TLE4: variants seen among roughly 807,000 people sequenced by gnomAD.
The protein encoded by TLE4 is TLE family member 4, transcriptional corepressor.
Under a neutral mutation model 92.8 loss-of-function variants are expected in TLE4, and 8 were observed. The observed-to-expected ratio is 0.09, with a 90% CI of 0.05 to 0.16. The LOEUF (loss-of-function observed/expected upper bound fraction) is 0.16, where lower values mean the gene tolerates loss of function less well. Among genes scored for constraint, TLE4 ranks in the 10% least tolerant of loss-of-function variants. The pLI, the probability that TLE4 is intolerant of heterozygous loss-of-function variation, is 1.00. For missense variants in TLE4, 675 were observed against 997.6 expected (o/e 0.68, Z 4.36); for synonymous variants, 371 against 374.1 (o/e 0.99, Z 0.10).
At chr9:79,623,624 C>T (rs1028363386) in intron 5 of TLE4, among the ~76,000 whole-genome samples, 1 of 151,076 alleles carries the variant, frequency 6.6e-6, no homozygotes, top group Non-Finnish European at 1.5e-5. Context: ...CCATAAAATT[C>T]CCTAGTTTTA....
chr9:79,673,663 T>G (rs780498318), intron 8 of TLE4, among the ~76,000 whole-genome samples: 54 of 152,210 alleles, frequency 3.5e-4, no homozygotes, highest in Middle Eastern at 6.3e-3. Flanking sequence ...TTTCTTATAC[T>G]TTTATACCTA....
At chr9:79,686,731 C>A (rs2065938611) in intron 8 of TLE4, among the ~76,000 whole-genome samples, 1 of 152,170 alleles carries the variant, frequency 6.6e-6, no homozygotes, top group Non-Finnish European at 1.5e-5. Flanking sequence ...CCTGCCAATG[C>A]CTTGTTTTCA....
rs556720789 is a variant in TLE4 at position 79,619,325 on chromosome 9, G to A, written c.315+6607G>A. ...TATATCTCAGATGCTGTTTACTTGG[G>A]CATCTCGGTTAATATGGTACTGAAT... is the stretch of plus-strand genomic sequence containing the variant. On this transcript the variant is annotated intron_variant, in intron 5 of 19. Coordinates refer to ENST00000376552, the MANE Select transcript of TLE4 (RefSeq NM_007005.6). 3.3e-5 allele frequency among the ~76,000 whole-genome samples: 5 copies of A among 152,178 alleles called. No individual in the cohort carries two copies. In the South Asian group the frequency reaches 1.0e-3, roughly 32 times the overall value.
At chr9:79,652,966 T>TA in intron 7 of TLE4, 172 bp downstream of exon 7, 1 of 810,146 alleles carries the variant, frequency 1.2e-6, no homozygotes, top group African/African-American at 1.7e-5. Context: ...AATGATATTC[T>TA]AGTGGTTGGC....
chr9:79,682,945 A>G (rs2065036762), intron 8 of TLE4, among the ~76,000 whole-genome samples: 1 of 152,236 alleles, frequency 6.6e-6, no homozygotes, highest in Non-Finnish European at 1.5e-5. Context: ...CTGCTCTTAC[A>G]TAGACAAAGG....
At chr9:79,577,051 G>T (rs1360273072) in intron 4 of TLE4, among the ~76,000 whole-genome samples, 1 of 152,026 alleles carries the variant, frequency 6.6e-6, no homozygotes, top group African/African-American at 2.4e-5. Context: ...TGATCTCCTA[G>T]TGGAAGCACT....
intron 4 of TLE4, among the ~76,000 whole-genome samples, chr9:79,590,169 C>A (rs976370618): frequency 2.6e-5 from 4 of 152,060 alleles, no homozygotes; most frequent in Admixed American, 6.5e-5. Flanking sequence ...GTTAACCCCC[C>A]CAAAATATAG....
chr9:79,639,858 C>T (rs2056780090), intron 6 of TLE4, among the ~76,000 whole-genome samples: 1 of 151,960 alleles, frequency 6.6e-6, no homozygotes, highest in African/African-American at 2.4e-5. Flanking sequence ...TCAGAATATC[C>T]CTATAGTTAA....
At chr9:79,587,037 C>T (rs1433941707) in intron 4 of TLE4, among the ~76,000 whole-genome samples, 1 of 152,148 alleles carries the variant, frequency 6.6e-6, no homozygotes, top group African/African-American at 2.4e-5. Flanking sequence ...CTCTGTTATG[C>T]TATCAAACAC....
chr9:79,670,787 A>G (rs2062176178), intron 8 of TLE4, among the ~76,000 whole-genome samples: 1 of 151,988 alleles, frequency 6.6e-6, no homozygotes, highest in African/African-American at 2.4e-5. Context: ...GCTATTTACC[A>G]TCCTTGTGAT....
intron 4 of TLE4, among the ~76,000 whole-genome samples, chr9:79,606,014 C>G (rs1249344916): frequency 6.6e-6 from 1 of 151,872 alleles, no homozygotes. Flanking sequence ...AAATTAACTA[C>G]TCTGTTATAG....
At chr9:79,620,543 T>C (rs989509471) in intron 5 of TLE4, among the ~76,000 whole-genome samples, 6 of 152,228 alleles carry the variant, frequency 3.9e-5, no homozygotes, top group Admixed American at 6.5e-5. Context: ...TAAAATTGTT[T>C]GGGAAGCCAG....
At chr9:79,663,259 T>C (rs1480236214) in intron 8 of TLE4, among the ~76,000 whole-genome samples, 3 of 152,206 alleles carry the variant, frequency 2.0e-5, no homozygotes, top group Non-Finnish European at 4.4e-5. Context: ...TTAGGAACTT[T>C]TAAAAACATA....
rs1418632021 is a variant in TLE4, at chr9:79,651,761, T to C, written c.391-832T>C. On this transcript the variant is annotated intron_variant, in intron 6 of 19. Transcript: ENST00000376552. ...AAACGGTGGCTGCAACCAGTTTCCT[T>C]TTCTGGGTTGTTAATTCAGGTTTTC... Among the ~76,000 whole-genome samples, 6 of 152,152 alleles carry C rather than the reference T, an allele frequency of 3.9e-5. No homozygotes were observed. The East Asian group carries it at 1.2e-3, about 29-fold the overall frequency.
At chr9:79,592,502 C>G (rs1170478736) in intron 4 of TLE4, among the ~76,000 whole-genome samples, 1 of 152,056 alleles carries the variant, frequency 6.6e-6, no homozygotes, top group African/African-American at 2.4e-5. Flanking sequence ...TCTCAAACTT[C>G]TGAGCTCAAG....
intron 4 of TLE4, among the ~76,000 whole-genome samples, chr9:79,588,745 A>G (rs890558105): frequency 1.3e-5 from 2 of 152,208 alleles, no homozygotes; most frequent in African/African-American, 4.8e-5. Context: ...AGGGAACTGT[A>G]AACTTTTGAG....
intron 8 of TLE4, among the ~76,000 whole-genome samples, chr9:79,701,206 G>A (rs2069762829): frequency 6.6e-6 from 1 of 152,092 alleles, no homozygotes; most frequent in Non-Finnish European, 1.5e-5. Flanking sequence ...TTAGAACATT[G>A]CTGATTGCCC....
At chr9:79,633,155 G>A (rs4131220) in intron 6 of TLE4, among the ~76,000 whole-genome samples, 4,030 of 152,252 alleles carry the variant, frequency 0.026, 86 homozygotes, top group African/African-American at 0.054. Flanking sequence ...CTAAGAGGCA[G>A]TAATTTCCCT....
At chr9:79,600,761 A>T (rs143261931) in intron 4 of TLE4, among the ~76,000 whole-genome samples, 1 of 152,252 alleles carries the variant, frequency 6.6e-6, no homozygotes, top group Non-Finnish European at 1.5e-5. Context: ...CCTGGCTCTA[A>T]CTGTGTTGTT....
Sources: gnomAD v4.1 joint callset for allele counts (sites outside exome capture counted in the v4.1 genomes callset) on GRCh38, gnomAD v4.1.1 for gene constraint, MANE v1.5 for transcripts, NCBI Gene and HGNC (gene_info 2026-07-23, HGNC 2026-07-21) for gene names.